Variants in POMT1 observed in about 807,000 individuals in gnomAD.
The protein encoded by POMT1 is protein O-mannosyl-transferase 1.
Under a neutral mutation model 101.6 loss-of-function variants are expected in POMT1, and 85 were observed. The observed-to-expected ratio is 0.84, with a 90% CI of 0.70 to 1.00. The LOEUF is 1.00. Ranked by LOEUF, POMT1 falls within the 50% of genes least tolerant of loss-of-function variation. The pLI is 0.00. For missense variants in POMT1, 857 were observed against 930.4 expected, an observed-to-expected ratio of 0.92 and a Z score of 1.03; for synonymous variants, 371 against 383.0, an observed-to-expected ratio of 0.97 and a Z score of 0.37.
Position 131,523,389 on chromosome 9 carries a change from A to G in POMT1, c.*283A>G. 2 of 444,274 alleles carry G rather than the reference A, an allele frequency of 4.5e-6. No individual in the cohort carries two copies. Among genetic ancestry groups the G allele is most frequent in the East Asian group, 9.3e-5 (2 of 21,414 alleles). The allele number at this position is 444,274 out of a possible 1,614,324, so 27.5% of individuals were successfully genotyped here. On this transcript the variant is annotated 3_prime_UTR_variant, in exon 20 of 20. Transcript: ENST00000402686. ...GAGGCCAGCGTAGGAGTCATTGACA[A>G]CAAAAAGCCGAGAACCCAGGGCCAG...
In POMT1 at chr9:131,518,905, G is replaced by T; in HGVS notation, c.1434G>T (p.Arg478=). ...AGATCGTCGGGGAGAAGCTGTCCCG[G>T]GGCTACCACGGGAGCACGGTGTGGA... The part of the protein sequence containing the change: ...QLEIVGEKLS[R]GYHGSTVWNV... The change falls in exon 15 of 20, where the codon CGG becomes CGT. Residue 478 remains arginine, a synonymous_variant. Transcript: ENST00000402686. The T allele has an allele frequency of 6.2e-7, 1 of 1,613,840 alleles. No individual in the cohort carries two copies. Among genetic ancestry groups the T allele is most frequent in the Non-Finnish European group, 8.5e-7 (1 of 1,180,032 alleles).
Position 131,519,225 on chromosome 9 carries a change from G to A in POMT1, c.1487-164G>A, listed in dbSNP as rs749591. ...GGTCGAAATCACCTCATTTGACCGG[G>A]CAGTCTTGGGTGTGGTGGGGAAAGC... On this transcript the variant is annotated intron_variant, in intron 15 of 19. Coordinates refer to ENST00000402686, the MANE Select transcript of POMT1 (RefSeq NM_001077365.2). This position sits in a 1 kb window ranked among gnomAD's most constrained non-coding sequence, Gnocchi z 4.3. Among the ~76,000 whole-genome samples, 8,427 of 152,254 alleles carry A rather than the reference G, an allele frequency of 0.055. 307 individuals carry two copies. The highest frequency in any genetic ancestry group is 0.11 in the Admixed American group (1,745 of 15,294).
intron 3 of POMT1, 89 bp from the exon 4 acceptor site, chr9:131,506,314 T>C: frequency 1.3e-6 from 2 of 1,556,430 alleles, no homozygotes; most frequent in Non-Finnish European, 1.8e-6. Flanking sequence ...AACCAGGTCT[T>C]ATTATTGATG....
chr9:131,517,020 G>C (rs141383300), intron 13 of POMT1: 1 of 152,376 alleles, frequency 6.6e-6, no homozygotes, highest in Non-Finnish European at 1.5e-5. Flanking sequence ...GTTGCCATCT[G>C]AATCTAAGGA....
intron 6 of POMT1, 133 bp from the exon 7 acceptor site, chr9:131,509,610 T>C: frequency 1.3e-6 from 2 of 1,559,026 alleles, no homozygotes; most frequent in Non-Finnish European, 1.7e-6. Context: ...ATGGGAATTC[T>C]TTCTTACTGC....
intron 13 of POMT1, among the ~76,000 whole-genome samples, chr9:131,517,981 A>G (rs1159176620): frequency 5.3e-5 from 8 of 152,248 alleles, no homozygotes. Flanking sequence ...GTGACAAGGC[A>G]AAGTGCCTTT....
chr9:131,523,487 G>T lies in POMT1; in HGVS notation c.*381G>T. 1 of 322,072 alleles carries T rather than the reference G, an allele frequency of 3.1e-6. No individual in the cohort carries two copies. Among genetic ancestry groups the T allele is most frequent in the Non-Finnish European group, 6.1e-6 (1 of 165,102 alleles). 20.0% of individuals were successfully genotyped at this position (322,072 alleles called of 1,614,324 possible). A position where few individuals can be genotyped will look rare whatever the true frequency, so the allele number is the denominator to read the frequency against. On this transcript the variant is annotated 3_prime_UTR_variant, in exon 20 of 20. Transcript: ENST00000402686. ...GGGTGGAGTTTGATCTGGCAGACCC[G>T]ATCCTCCTTCATGAACACCCAGCAA...
chr9:131,506,538 CT>C (rs1251585331), intron 4 of POMT1, 85 bp downstream of exon 4: 116 of 1,312,132 alleles, frequency 8.8e-5, no homozygotes, highest in South Asian at 1.3e-4. Flanking sequence ...ACAACTGTGG[CT>C]TTTTTTTTCC....
At position 131,519,013 on chromosome 9, in the gene POMT1, A is replaced by T. The variant is rs369939129; in HGVS notation, c.1486+56A>T. Reference sequence around the variant, plus strand: ...TGGAATGTACTTTCAGCTGCTCAATATTTGATAACACCCCAGAGTTCTCAT... The same window carrying T: ...TGGAATGTACTTTCAGCTGCTCAATTTTTGATAACACCCCAGAGTTCTCAT... On this transcript the variant is annotated intron_variant, in intron 15 of 19. Coordinates refer to ENST00000402686, the MANE Select transcript of POMT1 (RefSeq NM_001077365.2). This position sits in a 1 kb window ranked among gnomAD's most constrained non-coding sequence, Gnocchi z 4.3. 6.2e-7 allele frequency: 1 copy of T among 1,609,258 alleles called. No individual in the cohort carries two copies. Among genetic ancestry groups the T allele is most frequent in the Non-Finnish European group, 8.5e-7 (1 of 1,179,650 alleles).
chr9:131,523,072 A>G lies in POMT1; in HGVS notation c.2144A>G (p.Lys715Arg), dbSNP rs764270148. The change falls in exon 20 of 20, where the codon AAA (lysine) becomes AGA (arginine). Residue 715 changes from lysine (K) to arginine (R), a missense_variant. Lys to Arg is a conservative substitution (Grantham distance 26). Transcript: ENST00000402686. ...SPHELKALRW[K>R]DSWDILIRKH is the part of the protein sequence containing the mutation. ...CATGAACTCAAGGCCCTTCGCTGGA[A>G]AGACAGCTGGGACATCTTGATCCGA... is the stretch of plus-strand genomic sequence containing the variant. The G allele has an allele frequency of 1.9e-6, 3 of 1,611,572 alleles. No individual in the cohort carries two copies. In the South Asian group the frequency reaches 3.3e-5, roughly 18 times the overall value.
At position 131,519,029 on chromosome 9, in the gene POMT1, G is replaced by C; in HGVS notation, c.1486+72G>C. 6.2e-7 allele frequency: 1 copy of C among 1,603,902 alleles called. No homozygotes were observed. The highest frequency in any genetic ancestry group is 8.5e-7 in the Non-Finnish European group (1 of 1,178,162). ...CTGCTCAATATTTGATAACACCCCA[G>C]AGTTCTCATTTTGGTGGGAAGGGAA... On this transcript the variant is annotated intron_variant, in intron 15 of 19. Transcript: ENST00000402686. The surrounding 1 kb of genome is among the most constrained non-coding windows in gnomAD (Gnocchi z 4.3).
rs546939111 is a variant in POMT1, at chr9:131,506,714, G to A, written c.280+261G>A. ...GTCGTTGGTACACGTATCACAGAGC[G>A]TCTGATTGTGATGATCGGTTGTACA... On this transcript the variant is annotated intron_variant, in intron 4 of 19. Coordinates refer to ENST00000402686, the MANE Select transcript of POMT1 (RefSeq NM_001077365.2). The A allele has an allele frequency of 4.6e-4, 239 of 519,828 alleles. 1 individual carries two copies. The highest frequency in any genetic ancestry group is 1.9e-3 in the Admixed American group (60 of 31,088). 32.2% of individuals were successfully genotyped at this position (519,828 alleles called of 1,614,324 possible). A position where few individuals can be genotyped will look rare whatever the true frequency, so the allele number is the denominator to read the frequency against.
At chr9:131,518,383 T>C (rs1949187189) in intron 13 of POMT1, 62 bp from the exon 14 acceptor site, 1 of 1,399,672 alleles carries the variant, frequency 7.1e-7, no homozygotes, top group Non-Finnish European at 1.0e-6. Flanking sequence ...GACAGGTCTT[T>C]ATTTTTACAT....
rs376153113 is a variant in POMT1 at position 131,511,492 on chromosome 9, G to A, written c.986+25G>A. 2.9e-5 allele frequency: 46 copies of A among 1,613,544 alleles called. No individual in the cohort carries two copies. The African/African-American group carries it at 5.6e-4, about 20-fold the overall frequency. ...TGTAAGGTGATGGTTTTACTTTGAA[G>A]ATAATTAAATGCTTTATTTGCTCGT... On this transcript the variant is annotated intron_variant, in intron 10 of 19. Coordinates refer to ENST00000402686, the MANE Select transcript of POMT1 (RefSeq NM_001077365.2).
chr9:131,514,158 C>T (rs1172977142), intron 12 of POMT1, among the ~76,000 whole-genome samples: 1 of 152,210 alleles, frequency 6.6e-6, no homozygotes, highest in African/African-American at 2.4e-5. Context: ...GTCCTTCCTT[C>T]TCCCTCTACT....
intron 5 of POMT1, among the ~76,000 whole-genome samples, chr9:131,508,615 C>G (rs1946390911): frequency 6.6e-6 from 1 of 152,190 alleles, no homozygotes; most frequent in Admixed American, 6.5e-5. Flanking sequence ...AGGAGGATCC[C>G]TTGAGCCCTG....
chr9:131,518,803 C>T, intron 14 of POMT1, 34 bp from the exon 15 acceptor site: 1 of 1,613,842 alleles, frequency 6.2e-7, no homozygotes, highest in Non-Finnish European at 8.5e-7. Flanking sequence ...ACGGCCTTCC[C>T]ATCACGCCCT....
At chr9:131,512,549 T>C (rs1350209692) in intron 11 of POMT1, among the ~76,000 whole-genome samples, 3 of 152,158 alleles carry the variant, frequency 2.0e-5, no homozygotes, top group Admixed American at 2.0e-4. Flanking sequence ...CTCCTGATGG[T>C]GTCCTCCCAT....
chr9:131,518,639 A>G, intron 14 of POMT1, 102 bp downstream of exon 14: 1 of 1,401,150 alleles, frequency 7.1e-7, no homozygotes, highest in Non-Finnish European at 1.0e-6. Context: ...GGAACGCTTC[A>G]TTTGAGTCAT....
Sources: gnomAD v4.1 joint callset for allele counts (sites outside exome capture counted in the v4.1 genomes callset) on GRCh38, gnomAD v4.1.1 for gene constraint, Gnocchi (gnomAD v3.1) non-coding constraint, MANE v1.5 for transcripts, NCBI Gene and HGNC (gene_info 2026-07-23, HGNC 2026-07-21) for gene names.